Variants in AATF observed in about 807,000 individuals in gnomAD.
AATF encodes apoptosis antagonizing transcription factor, also known as protein AATF.
Under a neutral mutation model 63.7 loss-of-function variants are expected in AATF, and 48 were observed. The ratio of observed to expected loss-of-function variants is 0.75; its 90% CI spans 0.60 to 0.96. AATF has a LOEUF of 0.96. Among genes scored for constraint, AATF ranks in the 40% least tolerant of loss-of-function variants. The probability of loss-of-function intolerance (pLI) is 0.00; values close to 1 mark genes in which losing one functional copy is unlikely to be tolerated. For synonymous variants in AATF, 258 were observed against 247.7 expected, an observed-to-expected ratio of 1.04 and a Z score of -0.39; for missense variants, 639 against 685.7, an observed-to-expected ratio of 0.93 and a Z score of 0.76.
intron 11 of AATF, among the ~76,000 whole-genome samples, chr17:37,033,339 CA>C (rs1290405769): frequency 3.9e-5 from 6 of 152,110 alleles, no homozygotes; most frequent in Non-Finnish European, 7.4e-5. Flanking sequence ...AAGAAGAAAG[CA>C]AAACTAGATT....
At position 37,024,958 on chromosome 17, in the gene AATF, C is replaced by CA. The variant is rs901990342; in HGVS notation, c.1547+3955dup. Among the ~76,000 whole-genome samples, 397 of 139,240 alleles carry CA rather than the reference C, an allele frequency of 2.9e-3. 3 individuals are homozygous for CA. Among genetic ancestry groups the CA allele is most frequent in the African/African-American group, 7.8e-3 (296 of 37,944 alleles). 91.3% of individuals were successfully genotyped at this position (139,240 alleles called of 152,430 possible). A position where few individuals can be genotyped will look rare whatever the true frequency, so the allele number is the denominator to read the frequency against. The stretch of plus-strand genomic sequence containing the variant: ...TGAGTCACAGAGCGAGACCCTGTCT[C>CA]AAAAAAAAAAAGATAATTGTAGGAG... On this transcript the variant is annotated intron_variant, in intron 10 of 11. Coordinates refer to ENST00000619387, the MANE Select transcript of AATF (RefSeq NM_012138.4).
At chr17:37,023,790 C>T (rs1488438485) in intron 10 of AATF, among the ~76,000 whole-genome samples, 2 of 152,050 alleles carry the variant, frequency 1.3e-5, no homozygotes, top group African/African-American at 4.8e-5. Context: ...GGAGCATACA[C>T]AGTCATTTGT....
rs180714094 is a variant in AATF, at chr17:36,972,588, A to G, written c.833-14029A>G. On this transcript the variant is annotated intron_variant, in intron 4 of 11. Coordinates refer to ENST00000619387, the MANE Select transcript of AATF (RefSeq NM_012138.4). The stretch of plus-strand genomic sequence containing the variant: ...TAAAGAGACAGCATTGTTTTGTTAC[A>G]CCTATATACATGTAAGTGTGTGTGT... 1.4e-4 allele frequency among the ~76,000 whole-genome samples: 22 copies of G among 152,098 alleles called. 1 individual carries two copies. In the East Asian group the frequency reaches 4.3e-3, roughly 29 times the overall value.
At position 36,950,258 on chromosome 17, in the gene AATF, G is replaced by C; in HGVS notation, c.136G>C (p.Gly46Arg). ...VIDRFDEGED[G>R]EGDFLVVGSI... Reference sequence around the variant, plus strand: ...TGACAGGTTTGATGAAGGGGAAGATGGGGAAGGTGATTTCCTAGTAGTGGG... The same window carrying C: ...TGACAGGTTTGATGAAGGGGAAGATCGGGAAGGTGATTTCCTAGTAGTGGG... Residue 46 changes from glycine (G) to arginine (R), a missense_variant, in exon 2 of 12, where the codon GGG becomes CGG. Transcript: ENST00000619387. 6.2e-7 allele frequency: 1 copy of C among 1,614,178 alleles called. No individual in the cohort carries two copies. The highest frequency in any genetic ancestry group is 8.5e-7 in the Non-Finnish European group (1 of 1,180,028).
chr17:37,004,898 G>T (rs113844061), intron 8 of AATF, among the ~76,000 whole-genome samples: 1 of 152,146 alleles, frequency 6.6e-6, no homozygotes, highest in Non-Finnish European at 1.5e-5. Context: ...GTGGATGCAG[G>T]TACTGAGATT....
intron 8 of AATF, among the ~76,000 whole-genome samples, chr17:36,994,039 G>C (rs964963119): frequency 2.0e-5 from 3 of 152,120 alleles, no homozygotes; most frequent in Non-Finnish European, 4.4e-5. Flanking sequence ...ACATACATAT[G>C]TATGTGTGTG....
At chr17:37,041,003 T>G (rs2071633963) in intron 11 of AATF, among the ~76,000 whole-genome samples, 1 of 152,296 alleles carries the variant, frequency 6.6e-6, no homozygotes, top group South Asian at 2.1e-4. Context: ...ACAGTATCTT[T>G]TTCCTGTATA....
At chr17:37,020,427 C>T (rs2071460465) in intron 9 of AATF, among the ~76,000 whole-genome samples, 1 of 150,732 alleles carries the variant, frequency 6.6e-6, no homozygotes, top group South Asian at 2.1e-4. Flanking sequence ...ACAATTTAAA[C>T]AATTTAAAAC....
At chr17:37,027,896 C>T (rs1241145648) in intron 10 of AATF, among the ~76,000 whole-genome samples, 4 of 152,146 alleles carry the variant, frequency 2.6e-5, no homozygotes, top group African/African-American at 9.7e-5. Context: ...CGTCTCTGGA[C>T]ACAGCCAAGA....
intron 3 of AATF, 112 bp downstream of exon 3, chr17:36,953,408 T>G: frequency 1.3e-6 from 2 of 1,498,832 alleles, no homozygotes; most frequent in South Asian, 2.7e-5. Context: ...TCAATTAGTT[T>G]GTGACATGCC....
At chr17:37,054,676 A>ACT (rs2071783107) in intron 11 of AATF, 1 of 152,202 alleles carries the variant, frequency 6.6e-6, no homozygotes, top group Non-Finnish European at 1.5e-5. Context: ...CAGGCGTTGC[A>ACT]CTGATATTGC....
chr17:36,949,336 G>A (rs1271729348), intron 1 of AATF, 120 bp downstream of exon 1: 2 of 955,034 alleles, frequency 2.1e-6, no homozygotes, highest in African/African-American at 3.5e-5. Flanking sequence ...GCTTGGCGCA[G>A]AGGAACGTCG....
intron 10 of AATF, among the ~76,000 whole-genome samples, chr17:37,021,722 G>A (rs867680986): frequency 1.2e-5 from 1 of 81,648 alleles, no homozygotes; most frequent in Non-Finnish European, 2.1e-5. Flanking sequence ...GGAGAATGGC[G>A]TGAACCCGGG....
intron 4 of AATF, among the ~76,000 whole-genome samples, chr17:36,983,674 G>A (rs2071145297): frequency 6.6e-6 from 1 of 152,094 alleles, no homozygotes; most frequent in Non-Finnish European, 1.5e-5. Context: ...AAGACAGAGA[G>A]CAACTGGTTA....
intron 4 of AATF, among the ~76,000 whole-genome samples, chr17:36,962,194 C>A (rs545848796): frequency 3.2e-4 from 49 of 152,308 alleles, no homozygotes; most frequent in African/African-American, 1.2e-3. Flanking sequence ...CCTGTTAGCA[C>A]TGAAATAACA....
intron 8 of AATF, among the ~76,000 whole-genome samples, chr17:37,004,927 T>G (rs1298132609): frequency 6.6e-6 from 1 of 152,198 alleles, no homozygotes; most frequent in Non-Finnish European, 1.5e-5. Flanking sequence ...CTTGGGGTTT[T>G]GCCACCGAAG....
At chr17:36,984,633 G>T (rs1207088295) in intron 4 of AATF, among the ~76,000 whole-genome samples, 1 of 152,110 alleles carries the variant, frequency 6.6e-6, no homozygotes, top group Admixed American at 6.5e-5. Flanking sequence ...GACCAGTTTT[G>T]TTTTTTGCGG....
intron 4 of AATF, among the ~76,000 whole-genome samples, chr17:36,981,627 C>T (rs1385577701): frequency 2.0e-5 from 3 of 150,604 alleles, no homozygotes; most frequent in Non-Finnish European, 4.4e-5. Context: ...CTTCTTCTTT[C>T]TTCTTTCTTT....
chr17:37,042,714 C>T (rs904788627), intron 11 of AATF, among the ~76,000 whole-genome samples: 3 of 148,450 alleles, frequency 2.0e-5, no homozygotes, highest in Non-Finnish European at 4.5e-5. Context: ...CACCACTGCA[C>T]CTGGCCTTTT....
Sources: allele counts gnomAD v4.1 joint callset (sites outside exome capture counted in the v4.1 genomes callset), GRCh38; gene constraint gnomAD v4.1.1; transcripts MANE v1.5; gene names NCBI Gene and HGNC (gene_info 2026-07-23, HGNC 2026-07-21).